The following MTCL1 variants were observed in gnomAD, a reference collection of about 807,000 sequenced individuals.
MTCL1 encodes microtubule crosslinking factor 1, also known as microtubule cross-linking factor 1.
A neutral mutation model predicts 141.4 loss-of-function variants in MTCL1; 79 were observed. The ratio of observed to expected loss-of-function variants is 0.56; its 90% CI spans 0.47 to 0.67. The LOEUF is 0.67. Among genes scored for constraint, MTCL1 ranks in the 30% least tolerant of loss-of-function variants. MTCL1 has a pLI of 0.00. For missense variants in MTCL1, 2,177 were observed against 2,113.9 expected, an observed-to-expected ratio of 1.03 and a Z score of -0.59; for synonymous variants, 914 against 875.8, an observed-to-expected ratio of 1.04 and a Z score of -0.77.
chr18:8,748,233 T>C (rs928675100), intron 4 of MTCL1, among the ~76,000 whole-genome samples: 6 of 152,154 alleles, frequency 3.9e-5, no homozygotes, highest in Non-Finnish European at 1.5e-5. Flanking sequence ...GCAGTCAGTT[T>C]TGCACAAAGC....
intron 8 of MTCL1, among the ~76,000 whole-genome samples, chr18:8,795,322 G>A (rs2075879589): frequency 6.6e-6 from 1 of 152,194 alleles, no homozygotes; most frequent in Non-Finnish European, 1.5e-5. Flanking sequence ...AGTGTTAAGA[G>A]AGGACAGCTG....
At chr18:8,726,519 G>GAA in intron 4 of MTCL1, among the ~76,000 whole-genome samples, 1 of 121,818 alleles carries the variant, frequency 8.2e-6, no homozygotes. Flanking sequence ...AAGAGCGAGC[G>GAA]AGAGAGAGCG....
At chr18:8,770,709 G>A (rs547246427) in intron 4 of MTCL1, among the ~76,000 whole-genome samples, 1 of 152,278 alleles carries the variant, frequency 6.6e-6, no homozygotes, top group African/African-American at 2.4e-5. Flanking sequence ...TGGCATGAGT[G>A]GGTGCCCAAC....
At chr18:8,832,765 C>T (rs2077218934) in exon 17 of MTCL1, 1 of 152,194 alleles carries the variant, frequency 6.6e-6, no homozygotes, top group Admixed American at 6.5e-5. Context: ...AAATAAAGCC[C>T]TTCTGAGATG....
At chr18:8,824,894 G>C in exon 15 of MTCL1, 1 of 1,613,876 alleles carries the variant, frequency 6.2e-7, no homozygotes, top group Non-Finnish European at 8.5e-7. Context: ...ATGGTGGGGG[G>C]CCGGACCTTT....
rs763702467 is a variant in MTCL1, at chr18:8,825,732, A to G, written c.4222A>G (p.Asn1408Asp). The G allele has an allele frequency of 3.1e-6, 5 of 1,614,156 alleles. No individual in the cohort carries two copies. In the South Asian group the frequency reaches 5.5e-5, roughly 18 times the overall value. ...CCTCCCCAAAGCCGACCAGCCAAATAACAGGACGTCACCAGGGATGGCCCA... is the reference window on the plus strand; with the variant it reads ...CCTCCCCAAAGCCGACCAGCCAAATGACAGGACGTCACCAGGGATGGCCCA... Residue 1408 changes from asparagine to aspartate, a missense_variant, in exon 15 of 17, where the codon AAC becomes GAC. Asn to Asp is a conservative substitution (Grantham distance 23). Coordinates refer to ENST00000359865, the Ensembl canonical transcript of MTCL1.
chr18:8,796,472 C>G lies in MTCL1; in HGVS notation c.2241+10C>G, dbSNP rs2075923639. ...AGAGGAGTTCACTGAGGTAACTCCA[C>G]TGTCGAATTCCTTTTATTTGCATCT... On this transcript the variant is annotated intron_variant, in intron 9 of 16. Coordinates refer to ENST00000359865, the Ensembl canonical transcript of MTCL1. The G allele has an allele frequency of 6.2e-7, 1 of 1,613,380 alleles. No individual in the cohort carries two copies. The highest frequency in any genetic ancestry group is 8.5e-7 in the Non-Finnish European group (1 of 1,179,496).
At position 8,736,831 on chromosome 18, in the gene MTCL1, G is replaced by A. The variant is rs191980485; in HGVS notation, c.357+16335G>A. Among the ~76,000 whole-genome samples the A allele has an allele frequency of 3.7e-3, 565 of 151,910 alleles. 6 individuals carry two copies. Among genetic ancestry groups the A allele is most frequent in the African/African-American group, 0.013 (535 of 41,416 alleles). On this transcript the variant is annotated intron_variant, in intron 4 of 16. Transcript: ENST00000359865. ...TTTTTTGTAGTTTTTTAGTAGAGAC[G>A]GGGTTTCACCATGTTAGCCAGGATG...
At chr18:8,729,189 CG>C (rs1483831897) in intron 4 of MTCL1, among the ~76,000 whole-genome samples, 14 of 127,092 alleles carry the variant, frequency 1.1e-4, no homozygotes, top group African/African-American at 4.0e-4. Flanking sequence ...CCCCCGGCCC[CG>C]AGTAGCTAGG....
At chr18:8,800,927 G>C (rs1365445120) in intron 10 of MTCL1, 1 of 109,916 alleles carries the variant, frequency 9.1e-6, no homozygotes, top group African/African-American at 3.2e-5. Flanking sequence ...AAAAAAAAAA[G>C]TGTGAAGAAC....
intron 4 of MTCL1, among the ~76,000 whole-genome samples, chr18:8,774,905 C>T (rs1457117596): frequency 1.3e-5 from 2 of 151,998 alleles, no homozygotes; most frequent in African/African-American, 4.8e-5. Context: ...CTGTGATTTG[C>T]TAGGAGGATG....
chr18:8,775,043 G>A (rs775330425), intron 4 of MTCL1, among the ~76,000 whole-genome samples: 1 of 152,106 alleles, frequency 6.6e-6, no homozygotes, highest in Non-Finnish European at 1.5e-5. Flanking sequence ...CTCATTTGCA[G>A]CAGCCCATGA....
intron 10 of MTCL1, chr18:8,802,224 G>C (rs187817745): frequency 1.8e-4 from 27 of 152,310 alleles, no homozygotes; most frequent in Middle Eastern, 6.8e-3. Context: ...GCCTTGTGGG[G>C]GTCTGGGCAG....
rs746166092 is a variant in MTCL1, at chr18:8,824,680, T to G, written c.3189-19T>G. On this transcript the variant is annotated intron_variant, in intron 14 of 16. Transcript: ENST00000359865. ...GGCTCCCTGGCAGGTACTGACACCC[T>G]CTTTTCTGCTTTTCCCAGGGCGGTG... 1 of 1,590,268 alleles carries G rather than the reference T, an allele frequency of 6.3e-7. No individual in the cohort carries two copies. The highest frequency in any genetic ancestry group is 8.6e-7 in the Non-Finnish European group (1 of 1,167,422).
At chr18:8,775,328 T>C (rs140261256) in intron 4 of MTCL1, among the ~76,000 whole-genome samples, 1,815 of 151,420 alleles carry the variant, frequency 0.012, 32 homozygotes, top group African/African-American at 0.036. Flanking sequence ...CCCAGCACTT[T>C]AGGAGGCTGA....
intron 1 of MTCL1, chr18:8,707,744 G>GT (rs1483134875): frequency 6.6e-6 from 1 of 152,286 alleles, no homozygotes; most frequent in Non-Finnish European, 1.5e-5. Context: ...GATTTGAGCT[G>GT]TTTTCTCAGC....
At chr18:8,802,457 C>T (rs188754096) in intron 10 of MTCL1, among the ~76,000 whole-genome samples, 1 of 152,300 alleles carries the variant, frequency 6.6e-6, no homozygotes, top group African/African-American at 2.4e-5. Context: ...GTGATTTCAC[C>T]TGCTGAAATC....
chr18:8,786,049 C>T (rs370837499), exon 7 of MTCL1: 10 of 1,597,500 alleles, frequency 6.3e-6, no homozygotes, highest in Admixed American at 1.7e-5. Context: ...ACGGGGACAC[C>T]GGGAGCCACG....
intron 12 of MTCL1, among the ~76,000 whole-genome samples, chr18:8,815,444 G>A (rs2076621308): frequency 1.3e-5 from 2 of 151,930 alleles, no homozygotes; most frequent in Non-Finnish European, 1.5e-5. Flanking sequence ...CACAGGAAGG[G>A]GAACATCACA....
Sources: gnomAD v4.1 joint callset for allele counts (sites outside exome capture counted in the v4.1 genomes callset) on GRCh38, gnomAD v4.1.1 for gene constraint, MANE v1.5 for transcripts, NCBI Gene and HGNC (gene_info 2026-07-23, HGNC 2026-07-21) for gene names.